CTNND2: variants seen among roughly 807,000 people sequenced by gnomAD.
CTNND2 encodes catenin delta 2, also known as catenin delta-2.
CTNND2 carries 22 observed loss-of-function variants against 144.4 expected under a neutral mutation model. The ratio of observed to expected loss-of-function variants is 0.15; its 90% CI spans 0.11 to 0.22. The LOEUF (loss-of-function observed/expected upper bound fraction) is 0.22, where lower values mean the gene tolerates loss of function less well. CTNND2 is among the 10% of genes least tolerant of loss of function. The pLI is 1.00. For synonymous variants in CTNND2, 751 were observed against 695.6 expected, an observed-to-expected ratio of 1.08 and a Z score of -1.25; for missense variants, 1,353 against 1,618.8, an observed-to-expected ratio of 0.84 and a Z score of 2.82.
chr5:11,723,232 A>G (rs553307441), intron 2 of CTNND2, among the ~76,000 whole-genome samples: 37 of 152,274 alleles, frequency 2.4e-4, no homozygotes, highest in African/African-American at 6.3e-4. Context: ...CTTAACTAAA[A>G]CAAGGTACAC....
At chr5:11,114,850 A>G (rs1287640588) in intron 13 of CTNND2, among the ~76,000 whole-genome samples, 1 of 152,196 alleles carries the variant, frequency 6.6e-6, no homozygotes, top group East Asian at 1.9e-4. Context: ...AAAGCTCAAA[A>G]GCGGCCAAGC....
intron 12 of CTNND2, among the ~76,000 whole-genome samples, chr5:11,138,089 T>C (rs867520018): frequency 6.6e-6 from 1 of 152,208 alleles, no homozygotes. Context: ...AGGACTGAAG[T>C]CCTGTTTCCT....
intron 2 of CTNND2, among the ~76,000 whole-genome samples, chr5:11,731,660 G>C (rs754497182): frequency 2.6e-5 from 4 of 152,130 alleles, no homozygotes; most frequent in Non-Finnish European, 5.9e-5. Context: ...ATTAGTTCGA[G>C]AAGGAAATTT....
intron 3 of CTNND2, among the ~76,000 whole-genome samples, chr5:11,551,002 T>C (rs1668831728): frequency 6.6e-6 from 1 of 152,116 alleles, no homozygotes; most frequent in Non-Finnish European, 1.5e-5. Context: ...TTACCTTGGG[T>C]GAAATTTTTC....
intron 16 of CTNND2, among the ~76,000 whole-genome samples, chr5:11,049,366 T>G (rs545323683): frequency 6.6e-6 from 1 of 152,342 alleles, no homozygotes; most frequent in South Asian, 2.1e-4. Context: ...TCCTCTCACT[T>G]GTCTGTGGAG....
intron 13 of CTNND2, among the ~76,000 whole-genome samples, chr5:11,111,833 T>A (rs1372726975): frequency 6.6e-6 from 1 of 151,516 alleles, no homozygotes; most frequent in Non-Finnish European, 1.5e-5. Context: ...ATAATGGCCC[T>A]CCCAGAAGGT....
Position 11,274,097 on chromosome 5 carries a change from A to C in CTNND2, c.1629-37274T>G, listed in dbSNP as rs181944440. On this transcript the variant is annotated intron_variant, in intron 9 of 21. Transcript: ENST00000304623. ...TCTCTTCAGAACACGCTGAACTGAA[A>C]ACCTTAAACAACAGTCCACGCCGCC... 8.5e-5 allele frequency among the ~76,000 whole-genome samples: 13 copies of C among 152,258 alleles called. No homozygotes were observed. In the East Asian group the frequency reaches 2.3e-3, roughly 27 times the overall value.
At chr5:11,392,359 T>C (rs527514866) in intron 6 of CTNND2, among the ~76,000 whole-genome samples, 4 of 152,346 alleles carry the variant, frequency 2.6e-5, no homozygotes, top group African/African-American at 9.6e-5. Context: ...AAAGCAATGA[T>C]GTAAGTATCT....
intron 2 of CTNND2, among the ~76,000 whole-genome samples, chr5:11,649,914 A>G (rs990459863): frequency 1.3e-5 from 2 of 152,190 alleles, no homozygotes; most frequent in Non-Finnish European, 2.9e-5. Context: ...CATTTCACAG[A>G]AAACCAAGAC....
At chr5:11,071,275 T>C (rs1323859512) in intron 16 of CTNND2, among the ~76,000 whole-genome samples, 1 of 152,186 alleles carries the variant, frequency 6.6e-6, no homozygotes, top group Non-Finnish European at 1.5e-5. Context: ...CAGTGGCTCA[T>C]GCCTGTAATC....
chr5:11,094,503 T>A (rs1580267697), intron 15 of CTNND2, among the ~76,000 whole-genome samples: 1 of 145,650 alleles, frequency 6.9e-6, no homozygotes, highest in African/African-American at 2.5e-5. Flanking sequence ...TTTTTTGAGA[T>A]GGAGTCTCAC....
chr5:11,854,482 A>C (rs1795162667), intron 1 of CTNND2, among the ~76,000 whole-genome samples: 1 of 152,192 alleles, frequency 6.6e-6, no homozygotes, highest in Non-Finnish European at 1.5e-5. Context: ...TATTTACTTT[A>C]TAAATTAATA....
chr5:11,272,661 C>T (rs1475684332), intron 9 of CTNND2, among the ~76,000 whole-genome samples: 1 of 152,144 alleles, frequency 6.6e-6, no homozygotes, highest in Non-Finnish European at 1.5e-5. Flanking sequence ...CTAATCCAAT[C>T]AGGTCATGGA....
intron 2 of CTNND2, among the ~76,000 whole-genome samples, chr5:11,669,293 G>T (rs1390608489): frequency 2.6e-5 from 4 of 152,170 alleles, no homozygotes; most frequent in Non-Finnish European, 5.9e-5. Context: ...AGTTAGGGAG[G>T]ATTCCCTCTT....
At chr5:11,869,430 G>C (rs2127045646) in intron 1 of CTNND2, among the ~76,000 whole-genome samples, 1 of 152,310 alleles carries the variant, frequency 6.6e-6, no homozygotes, top group Middle Eastern at 3.4e-3. Flanking sequence ...CCACAACATG[G>C]ATTAACCTTG....
At chr5:11,198,084 T>A (rs539493296) in intron 11 of CTNND2, among the ~76,000 whole-genome samples, 1 of 152,178 alleles carries the variant, frequency 6.6e-6, no homozygotes, top group East Asian at 1.9e-4. Context: ...CAGTTCCAAC[T>A]TAAGCACAAC....
At chr5:11,112,623 G>C (rs1753111342) in intron 13 of CTNND2, among the ~76,000 whole-genome samples, 1 of 152,210 alleles carries the variant, frequency 6.6e-6, no homozygotes, top group Non-Finnish European at 1.5e-5. Context: ...CAGCGTGCAA[G>C]TACTGGGAAG....
intron 9 of CTNND2, among the ~76,000 whole-genome samples, chr5:11,308,920 G>A (rs186215359): frequency 5.3e-5 from 8 of 152,276 alleles, no homozygotes; most frequent in Admixed American, 1.3e-4. Flanking sequence ...AAGCAGGCAC[G>A]TCTTACATGG....
intron 3 of CTNND2, among the ~76,000 whole-genome samples, chr5:11,538,670 A>G (rs1403118775): frequency 6.6e-6 from 1 of 152,120 alleles, no homozygotes; most frequent in Non-Finnish European, 1.5e-5. Flanking sequence ...ATTCTCCTTG[A>G]GATACAGATG....
Sources: gnomAD v4.1 joint callset for allele counts (sites outside exome capture counted in the v4.1 genomes callset) on GRCh38, gnomAD v4.1.1 for gene constraint, MANE v1.5 for transcripts, NCBI Gene and HGNC (gene_info 2026-07-23, HGNC 2026-07-21) for gene names.